CUL2: variants seen among roughly 807,000 people sequenced by gnomAD.
The protein encoded by CUL2 is cullin 2, also known as cullin-2.
In CUL2, 22 loss-of-function variants were observed where a neutral mutation model predicts 110.2. The observed-to-expected ratio is 0.20, with a 90% confidence interval of 0.14 to 0.28. The LOEUF is 0.28. Among genes scored for constraint, CUL2 ranks in the 10% least tolerant of loss-of-function variants. The pLI, the probability that CUL2 is intolerant of heterozygous loss-of-function variation, is 1.00. For synonymous variants in CUL2, 279 were observed against 293.2 expected (o/e 0.95, Z 0.49); for missense variants, 631 against 905.5 (o/e 0.70, Z 3.89).
At chr10:35,044,543 A>C in intron 8 of CUL2, 23 bp downstream of exon 8, 80 of 1,362,448 alleles carry the variant, frequency 5.9e-5, no homozygotes, top group Non-Finnish European at 7.4e-5. Context: ...AGATAAATGT[A>C]TTCGATATGT....
chr10:35,041,658 G>A (rs927865149), intron 8 of CUL2, among the ~76,000 whole-genome samples: 3 of 151,994 alleles, frequency 2.0e-5, no homozygotes, highest in African/African-American at 4.8e-5. Context: ...CCACCTCAGC[G>A]TCCCAAGAGC....
intron 1 of CUL2, chr10:35,074,405 C>G: frequency 1.6e-6 from 1 of 619,392 alleles, no homozygotes; most frequent in Non-Finnish European, 2.9e-6. Flanking sequence ...TGCCTTTACC[C>G]TTACTATTTT....
At chr10:35,088,621 A>G (rs1426313314) in intron 1 of CUL2, among the ~76,000 whole-genome samples, 1 of 152,104 alleles carries the variant, frequency 6.6e-6, no homozygotes, top group East Asian at 1.9e-4. Context: ...ACTGCCAGAC[A>G]ACGCAAAAAT....
intron 17 of CUL2, among the ~76,000 whole-genome samples, chr10:35,017,871 T>A (rs2085076378): frequency 7.9e-6 from 1 of 126,158 alleles, no homozygotes; most frequent in Non-Finnish European, 1.8e-5. Flanking sequence ...GTTCCATACG[T>A]GTTTAAAAAA....
chr10:35,103,169 G>A (rs927502121), intron 1 of CUL2, among the ~76,000 whole-genome samples: 2 of 152,064 alleles, frequency 1.3e-5, no homozygotes, highest in Middle Eastern at 3.4e-3. Flanking sequence ...TTGAGACAGA[G>A]TCTTGCTCTG....
chr10:35,014,198 A>G (rs183828114), intron 18 of CUL2, among the ~76,000 whole-genome samples: 7 of 152,124 alleles, frequency 4.6e-5, no homozygotes, highest in African/African-American at 1.7e-4. Flanking sequence ...ATTTTTTTTT[A>G]CAAATGCCGC....
intron 1 of CUL2, among the ~76,000 whole-genome samples, chr10:35,113,498 CAAAAAAAAAAAAAAAAAAAA>C (rs59518617): frequency 3.0e-5 from 1 of 33,308 alleles, no homozygotes; most frequent in African/African-American, 1.0e-4. Flanking sequence ...GACTCTGCCT[CAAAAAAAAAAAAAAAAAAAA>C]AAAAAAAAAA....
chr10:35,065,257 T>C (rs1358961742), intron 2 of CUL2, among the ~76,000 whole-genome samples: 1 of 152,188 alleles, frequency 6.6e-6, no homozygotes, highest in African/African-American at 2.4e-5. Flanking sequence ...ACAAAAAATG[T>C]TGGCTGGGCA....
intron 1 of CUL2, among the ~76,000 whole-genome samples, chr10:35,077,328 A>AC (rs763217318): frequency 6.7e-6 from 1 of 150,202 alleles, no homozygotes; most frequent in Non-Finnish European, 1.5e-5. Flanking sequence ...CAAACAAACA[A>AC]ACAAAAAAAA....
chr10:35,096,938 T>C (rs2087307561), intron 2 of CUL2, among the ~76,000 whole-genome samples: 1 of 151,846 alleles, frequency 6.6e-6, no homozygotes, highest in Non-Finnish European at 1.5e-5. Flanking sequence ...GCTTCCCAAG[T>C]AGCTGGGATT....
chr10:35,052,735 T>C (rs12785044), intron 5 of CUL2, among the ~76,000 whole-genome samples: 20,527 of 151,160 alleles, frequency 0.14, 1,574 homozygotes, highest in South Asian at 0.2. Context: ...CTCTACTAAA[T>C]ATACAAAAAA....
At chr10:35,070,712 C>T (rs1463589721) in intron 2 of CUL2, among the ~76,000 whole-genome samples, 1 of 152,200 alleles carries the variant, frequency 6.6e-6, no homozygotes, top group East Asian at 1.9e-4. Context: ...CCCAAAATCA[C>T]ATGGCTTGCT....
intron 1 of CUL2, among the ~76,000 whole-genome samples, chr10:35,109,346 A>C (rs1334705625): frequency 6.6e-6 from 1 of 152,240 alleles, no homozygotes; most frequent in East Asian, 1.9e-4. Flanking sequence ...GATTGATTAC[A>C]TCATTATTTC....
chr10:35,023,757 G>A (rs896599524), intron 17 of CUL2, among the ~76,000 whole-genome samples: 2 of 132,762 alleles, frequency 1.5e-5, no homozygotes, highest in African/African-American at 5.4e-5. Context: ...GTTTTCTTAG[G>A]GGAAAAAAAA....
chr10:35,022,060 G>A (rs1433971410), intron 17 of CUL2, among the ~76,000 whole-genome samples: 1 of 146,298 alleles, frequency 6.8e-6, no homozygotes, highest in Non-Finnish European at 1.5e-5. Flanking sequence ...TCAAAACACC[G>A]TACTGTAACT....
At chr10:35,099,177 G>A (rs2087341757) in intron 2 of CUL2, among the ~76,000 whole-genome samples, 1 of 151,884 alleles carries the variant, frequency 6.6e-6, no homozygotes, top group Non-Finnish European at 1.5e-5. Context: ...CAGATCACGA[G>A]GTCAGGAGAT....
chr10:35,115,319 T>C lies in CUL2; in HGVS notation c.-51+11286A>G, dbSNP rs112768609. 6.2e-3 allele frequency among the ~76,000 whole-genome samples: 939 copies of C among 152,084 alleles called. 12 individuals are homozygous for C. Among genetic ancestry groups the C allele is most frequent in the African/African-American group, 0.021 (889 of 41,484 alleles). ...GCTCACACCTGTAATCCCAGCACTT[T>C]GGGAGGCGGAGGCGGGCGGATAGCG... On this transcript the variant is annotated intron_variant, in intron 1 of 5. Coordinates refer to the CUL2 transcript ENST00000685421.
intron 2 of CUL2, among the ~76,000 whole-genome samples, chr10:35,096,738 T>C (rs1401811528): frequency 1.3e-5 from 2 of 151,854 alleles, no homozygotes; most frequent in East Asian, 1.9e-4. Context: ...GAGAGACAGA[T>C]GGTGTTGTTT....
intron 1 of CUL2, among the ~76,000 whole-genome samples, chr10:35,121,818 A>AT (rs1554874385): frequency 3.3e-5 from 5 of 152,028 alleles, no homozygotes; most frequent in Non-Finnish European, 5.9e-5. Context: ...TCAAAAAAAA[A>AT]AAAAAAAATA....
Sources: allele counts gnomAD v4.1 joint callset (sites outside exome capture counted in the v4.1 genomes callset), GRCh38; gene constraint gnomAD v4.1.1; transcripts MANE v1.5; gene names NCBI Gene and HGNC (gene_info 2026-07-23, HGNC 2026-07-21).